OSCP1: variants seen among roughly 807,000 people sequenced by gnomAD.
OSCP1 encodes protein OSCP1.
In OSCP1, 35 loss-of-function variants were observed where a neutral mutation model predicts 45.1. The observed-to-expected ratio is 0.78, with a 90% CI of 0.59 to 1.03. OSCP1 has a LOEUF of 1.03. Ranked by LOEUF, OSCP1 falls within the 50% of genes least tolerant of loss-of-function variation. OSCP1 has a pLI of 0.00. For synonymous variants in OSCP1, 179 were observed against 180.1 expected (o/e 0.99, Z 0.05); for missense variants, 400 against 470.7 (o/e 0.85, Z 1.39).
At chr1:36,437,646 G>A (rs998155991) in intron 2 of OSCP1, among the ~76,000 whole-genome samples, 1 of 152,144 alleles carries the variant, frequency 6.6e-6, no homozygotes, top group Admixed American at 6.5e-5. Context: ...AGCCTCCTGA[G>A]TAGCTGGGAT....
intron 7 of OSCP1, chr1:36,421,860 C>T (rs1202785527): frequency 4.5e-6 from 2 of 447,736 alleles, no homozygotes; most frequent in East Asian, 3.7e-5. Context: ...TCAGCAATCA[C>T]GGACCTAATG....
chr1:36,421,593 C>G (rs1647618663), intron 7 of OSCP1, among the ~76,000 whole-genome samples: 1 of 152,218 alleles, frequency 6.6e-6, no homozygotes, highest in South Asian at 2.1e-4. Context: ...CAGGCCCCTT[C>G]AAGATGGGAC....
At chr1:36,430,000 T>C (rs149287387) in intron 4 of OSCP1, among the ~76,000 whole-genome samples, 3,151 of 152,154 alleles carry the variant, frequency 0.021, 105 homozygotes, top group African/African-American at 0.072. Context: ...GGTTTCACCA[T>C]GTTGGCCAGG....
At chr1:36,429,905 G>T (rs951021161) in intron 4 of OSCP1, among the ~76,000 whole-genome samples, 2 of 150,850 alleles carry the variant, frequency 1.3e-5, no homozygotes, top group African/African-American at 4.9e-5. Flanking sequence ...CTGCCTCTCA[G>T]GTTCACGCGA....
chr1:36,419,347 A>G, intron 8 of OSCP1: 1 of 447,500 alleles, frequency 2.2e-6, no homozygotes, highest in Non-Finnish European at 4.0e-6. Context: ...GCCAGTGCAA[A>G]GTCAGTCACT....
chr1:36,433,379 G>C (rs149214893), intron 2 of OSCP1, among the ~76,000 whole-genome samples: 2 of 152,260 alleles, frequency 1.3e-5, no homozygotes, highest in African/African-American at 4.8e-5. Flanking sequence ...ATTTTTCTGG[G>C]AGAAAGAGGA....
chr1:36,422,971 C>T, intron 5 of OSCP1, 75 bp from the exon 6 acceptor site: 1 of 1,315,712 alleles, frequency 7.6e-7, no homozygotes, highest in African/African-American at 1.5e-5. Context: ...ATTCTTTGTA[C>T]TACAGAACAA....
At chr1:36,430,970 A>G (rs1648327028) in intron 4 of OSCP1, among the ~76,000 whole-genome samples, 1 of 152,220 alleles carries the variant, frequency 6.6e-6, no homozygotes, top group Admixed American at 6.5e-5. Flanking sequence ...TATGGGTCTT[A>G]GAAGCAATTG....
intron 3 of OSCP1, 44 bp from the exon 4 acceptor site, chr1:36,431,926 G>A: frequency 1.3e-6 from 2 of 1,581,126 alleles, no homozygotes; most frequent in Non-Finnish European, 1.7e-6. Flanking sequence ...TTCCAAGAGG[G>A]ATGAGTAGTA....
chr1:36,438,065 C>T (rs113347777), intron 2 of OSCP1, among the ~76,000 whole-genome samples: 5,541 of 152,010 alleles, frequency 0.036, 332 homozygotes, highest in African/African-American at 0.13. Flanking sequence ...TGCCAGTAAT[C>T]CCAGCACTTT....
At chr1:36,444,944 C>T (rs974927086) in intron 1 of OSCP1, among the ~76,000 whole-genome samples, 6 of 152,210 alleles carry the variant, frequency 3.9e-5, no homozygotes, top group African/African-American at 1.4e-4. Flanking sequence ...GGACATTAGA[C>T]ACCACCCATA....
intron 2 of OSCP1, among the ~76,000 whole-genome samples, chr1:36,438,088 C>T (rs907026831): frequency 1.8e-4 from 28 of 152,120 alleles, no homozygotes; most frequent in Admixed American, 2.6e-4. Flanking sequence ...GAGGCCAAGG[C>T]GGGTGGATCA....
chr1:36,431,698 A>G, intron 4 of OSCP1, 104 bp downstream of exon 4: 1 of 1,073,968 alleles, frequency 9.3e-7, no homozygotes, highest in Non-Finnish European at 1.3e-6. Flanking sequence ...TGAGGACATC[A>G]CTAACTGGGC....
In OSCP1 at chr1:36,441,240, C is replaced by G. The variant is rs750772713; in HGVS notation, c.113-2330G>C. ...TGGGCCACGACACCTAGGGCTCCCT[C>G]TTCTCGTTTCACTCTTTGGAAATAA... On this transcript the variant is annotated intron_variant, in intron 1 of 9. Coordinates refer to ENST00000235532, the MANE Select transcript of OSCP1 (RefSeq NM_145047.5). Among the ~76,000 whole-genome samples, 21 of 152,252 alleles carry G rather than the reference C, an allele frequency of 1.4e-4. No homozygotes were observed. The East Asian group carries it at 1.9e-3, about 14-fold the overall frequency.
chr1:36,420,665 C>A, intron 7 of OSCP1, 50 bp from the exon 8 acceptor site: 1 of 1,599,570 alleles, frequency 6.3e-7, no homozygotes, highest in Admixed American at 1.7e-5. Context: ...AATCACATTT[C>A]CTGCTAAAAC....
chr1:36,450,342 A>G lies in OSCP1; in HGVS notation c.28T>C (p.Phe10Leu). 1 of 1,613,952 alleles carries G rather than the reference A, an allele frequency of 6.2e-7. No individual in the cohort carries two copies. The highest frequency in any genetic ancestry group is 8.5e-7 in the Non-Finnish European group (1 of 1,179,920). Residue 10 changes from phenylalanine to leucine, a missense_variant, in exon 1 of 10, where the codon TTC becomes CTC. By Grantham distance (22) the Phe-to-Leu change is conservative. Transcript: ENST00000235532. Reference sequence around the variant, plus strand: ...AGCATCTCCCCGCCCAAGTTCAAGAAGAGCAGCGGTAGCGTCCGCACCGAC... The same window carrying G: ...AGCATCTCCCCGCCCAAGTTCAAGAGGAGCAGCGGTAGCGTCCGCACCGAC... The part of the protein sequence containing the change: MSVRTLPLL[F>L]LNLGGEMLYI...
intron 8 of OSCP1, 50 bp downstream of exon 8, chr1:36,420,426 T>C: frequency 6.3e-7 from 1 of 1,579,544 alleles, no homozygotes. Context: ...TGTGTTCTTG[T>C]CATGCTTGGG....
chr1:36,450,419 A>T lies in OSCP1; in HGVS notation c.-50T>A. 1.4e-6 allele frequency: 2 copies of T among 1,477,878 alleles called. No individual in the cohort carries two copies. Among genetic ancestry groups the T allele is most frequent in the Non-Finnish European group, 1.9e-6 (2 of 1,058,788 alleles). 91.5% of individuals were successfully genotyped at this position (1,477,878 alleles called of 1,614,324 possible). On this transcript the variant is annotated 5_prime_UTR_variant, in exon 1 of 10. Transcript: ENST00000235532. ...TGAAGAGCCCCGGGGTTCGGTAGCC[A>T]GTGGCCTGAAGGCCAGGCCGCAGCG...
chr1:36,428,593 T>C (rs1298057113), intron 4 of OSCP1: 35 of 1,296,628 alleles, frequency 2.7e-5, no homozygotes, highest in Non-Finnish European at 3.4e-5. Flanking sequence ...AGAGAAGTTA[T>C]TTTGCCCAAG....
Sources: gnomAD v4.1 joint callset for allele counts (sites outside exome capture counted in the v4.1 genomes callset) on GRCh38, gnomAD v4.1.1 for gene constraint, MANE v1.5 for transcripts, NCBI Gene and HGNC (gene_info 2026-07-23, HGNC 2026-07-21) for gene names.